The following FOXP1 variants were observed in gnomAD, a reference collection of about 807,000 sequenced individuals.
The protein encoded by FOXP1 is forkhead box protein P1.
In FOXP1, 15 loss-of-function variants were observed where a neutral mutation model predicts 98.2. The observed-to-expected ratio is 0.15, with a 90% CI of 0.10 to 0.24. The LOEUF (loss-of-function observed/expected upper bound fraction) is 0.24. Ranked by LOEUF, FOXP1 falls within the 10% of genes least tolerant of loss-of-function variation. The probability of loss-of-function intolerance (pLI) is 1.00; values close to 1 mark genes in which losing one functional copy is unlikely to be tolerated. For missense variants in FOXP1, 633 were observed against 848.5 expected (o/e 0.75, Z 3.15); for synonymous variants, 371 against 314.5 (o/e 1.18, Z -1.90).
chr3:70,969,511 C>CTCCATAAATATCTGTTTAATG, intron 19 of FOXP1: 2 of 152,294 alleles, frequency 1.3e-5, no homozygotes, highest in East Asian at 1.9e-4. Context: ...CAGAGTCGTG[C>CTCCATAAATATCTGTTTAATG]TCCATAAATA....
chr3:71,052,990 A>G (rs756072728), intron 8 of FOXP1, among the ~76,000 whole-genome samples: 14 of 152,182 alleles, frequency 9.2e-5, no homozygotes, highest in Admixed American at 2.0e-4. Flanking sequence ...AGTGTTATTC[A>G]GTGTGTGCAT....
At chr3:70,971,017 C>T (rs2036116489) in intron 18 of FOXP1, 2 of 556,234 alleles carry the variant, frequency 3.6e-6, no homozygotes, top group Non-Finnish European at 6.5e-6. Flanking sequence ...TTCAAGGAAA[C>T]TAGGTGTAAA....
chr3:71,050,404 C>T (rs2049712229), intron 9 of FOXP1, among the ~76,000 whole-genome samples: 1 of 152,146 alleles, frequency 6.6e-6, no homozygotes. Flanking sequence ...TCCCTGGTAA[C>T]TGATAAGAAT....
chr3:71,080,563 G>A (rs11711192), intron 7 of FOXP1, among the ~76,000 whole-genome samples: 31,393 of 152,180 alleles, frequency 0.21, 4,281 homozygotes, highest in East Asian at 0.54. Flanking sequence ...ATCATCAAAT[G>A]TACTATTGAA....
chr3:70,982,363 G>GCAT (rs1052008757), intron 14 of FOXP1, among the ~76,000 whole-genome samples: 8 of 152,124 alleles, frequency 5.3e-5, no homozygotes, highest in Non-Finnish European at 5.9e-5. Flanking sequence ...TTTTTCTGGG[G>GCAT]CATGGGGCAG....
chr3:71,123,094 T>C (rs2058900136), intron 6 of FOXP1, among the ~76,000 whole-genome samples: 3 of 152,174 alleles, frequency 2.0e-5, no homozygotes, highest in Non-Finnish European at 2.9e-5. Context: ...TCCACAAGTC[T>C]GCCCTCCCTG....
At chr3:70,973,254 G>A (rs1407107829) in intron 17 of FOXP1, among the ~76,000 whole-genome samples, 5 of 41,410 alleles carry the variant, frequency 1.2e-4, no homozygotes, top group South Asian at 7.4e-4. Context: ...GCCCCGCCCC[G>A]CCCCGGTCAA....
chr3:71,208,147 G>C (rs2064183529), intron 5 of FOXP1, among the ~76,000 whole-genome samples: 1 of 152,122 alleles, frequency 6.6e-6, no homozygotes, highest in African/African-American at 2.4e-5. Flanking sequence ...ATCATATCAA[G>C]CCTACAGGAC....
chr3:71,049,657 G>C (rs948821312), intron 9 of FOXP1, among the ~76,000 whole-genome samples: 13 of 152,034 alleles, frequency 8.6e-5, no homozygotes, highest in African/African-American at 3.1e-4. Context: ...GGGGGAGCCT[G>C]ACAATATAAA....
chr3:71,363,975 C>T (rs761815312), intron 3 of FOXP1, among the ~76,000 whole-genome samples: 2 of 152,130 alleles, frequency 1.3e-5, no homozygotes, highest in Non-Finnish European at 2.9e-5. Flanking sequence ...TCGCCTGGGT[C>T]CCTGAAAGAC....
intron 17 of FOXP1, among the ~76,000 whole-genome samples, chr3:70,973,074 G>A (rs995597096): frequency 2.6e-5 from 4 of 152,080 alleles, no homozygotes; most frequent in African/African-American, 9.7e-5. Flanking sequence ...TTCAAACCAC[G>A]AAAGAGGAAC....
chr3:71,382,982 G>A (rs1454620340), intron 3 of FOXP1, among the ~76,000 whole-genome samples: 1 of 152,192 alleles, frequency 6.6e-6, no homozygotes, highest in Non-Finnish European at 1.5e-5. Context: ...ATGAGAACTT[G>A]AAAAATAACC....
intron 4 of FOXP1, among the ~76,000 whole-genome samples, chr3:71,301,498 A>T (rs2107567214): frequency 6.6e-6 from 1 of 152,280 alleles, no homozygotes; most frequent in South Asian, 2.1e-4. Flanking sequence ...ACTTTGGCAG[A>T]TCCTACTCAA....
chr3:70,985,278 T>C (rs1040801783), intron 14 of FOXP1, among the ~76,000 whole-genome samples: 1 of 152,162 alleles, frequency 6.6e-6, no homozygotes, highest in African/African-American at 2.4e-5. Flanking sequence ...GCGGAATAAA[T>C]TAATTACAGA....
chr3:71,473,540 C>A (rs972270929), intron 3 of FOXP1, among the ~76,000 whole-genome samples: 2 of 152,084 alleles, frequency 1.3e-5, no homozygotes, highest in Non-Finnish European at 2.9e-5. Flanking sequence ...GCAGGAAAAA[C>A]CACCTATAAC....
At chr3:70,962,370 A>ATTGT (rs1315302965) in intron 20 of FOXP1, among the ~76,000 whole-genome samples, 1 of 152,196 alleles carries the variant, frequency 6.6e-6, no homozygotes, top group Non-Finnish European at 1.5e-5. Flanking sequence ...TAAGAATGGA[A>ATTGT]TTGTTAGAGC....
At chr3:71,104,112 T>C (rs985570860) in intron 7 of FOXP1, among the ~76,000 whole-genome samples, 10 of 152,166 alleles carry the variant, frequency 6.6e-5, no homozygotes, top group African/African-American at 1.7e-4. Flanking sequence ...GTGGTCTCTA[T>C]TGGCGGGGCG....
intron 6 of FOXP1, among the ~76,000 whole-genome samples, chr3:71,180,334 A>G (rs572456797): frequency 6.6e-6 from 1 of 152,280 alleles, no homozygotes; most frequent in Admixed American, 6.5e-5. Context: ...TGTAGTATAT[A>G]ATTATTTGCT....
intron 2 of FOXP1, among the ~76,000 whole-genome samples, chr3:71,531,958 G>A (rs751509354): frequency 2.0e-5 from 3 of 152,190 alleles, no homozygotes; most frequent in African/African-American, 2.4e-5. Context: ...TCATTTATGC[G>A]ACTTCCACAT....
Sources: gnomAD v4.1 joint callset for allele counts (sites outside exome capture counted in the v4.1 genomes callset) on GRCh38, gnomAD v4.1.1 for gene constraint, MANE v1.5 for transcripts, NCBI Gene and HGNC (gene_info 2026-07-23, HGNC 2026-07-21) for gene names.